Variants in MESP1 observed in about 807,000 individuals in gnomAD.
MESP1 encodes the protein mesoderm posterior protein 1.
MESP1 carries 22 observed loss-of-function variants against 15.2 expected under a neutral mutation model. The ratio of observed to expected loss-of-function variants is 1.45; its 90% CI spans 1.04 to 2.07. MESP1 has a LOEUF of 2.07. Among genes scored for constraint, MESP1 ranks in the 30% most tolerant of loss-of-function variants. The pLI is 0.00. For synonymous variants in MESP1, 216 were observed against 192.6 expected (o/e 1.12, Z -1.01); for missense variants, 484 against 411.9 (o/e 1.17, Z -1.51).
At chr15:89,748,534 C>T (rs982208342), downstream of MESP1, 1 of 152,220 alleles carries the variant, frequency 6.6e-6, no homozygotes, top group African/African-American at 2.4e-5. Context: ...ACGGATAAAC[C>T]AACTGTCATG....
Position 89,750,006 on chromosome 15 carries a change from G to A in MESP1, c.*138C>T. 3 of 819,310 alleles carry A rather than the reference G, an allele frequency of 3.7e-6. No individual in the cohort carries two copies. Among genetic ancestry groups the A allele is most frequent in the Non-Finnish European group, 6.2e-6 (3 of 485,266 alleles). The allele number at this position is 819,310 out of a possible 1,614,324, so 50.8% of individuals were successfully genotyped here. A position where few individuals can be genotyped will look rare whatever the true frequency, so the allele number is the denominator to read the frequency against. On this transcript the variant is annotated 3_prime_UTR_variant, in exon 2 of 2. Coordinates refer to ENST00000300057, the MANE Select transcript of MESP1 (RefSeq NM_018670.4). ...TGAGAAGGGCCGCCGCGGTGGGGAC[G>A]GCTCTCACCCGCAGGAATGCCCCCG... is the stretch of plus-strand genomic sequence containing the variant.
Position 89,750,590 on chromosome 15 carries a change from G to A in MESP1, c.642C>T (p.Pro214=), listed in dbSNP as rs1272120354. The A allele has an allele frequency of 1.4e-6, 2 of 1,409,894 alleles. No individual in the cohort carries two copies. The highest frequency in any genetic ancestry group is 2.9e-5 in the East Asian group (1 of 34,556). 87.3% of individuals were successfully genotyped at this position (1,409,894 alleles called of 1,614,324 possible). Residue 214 remains proline (P), a synonymous_variant, in exon 1 of 2, where the codon CCC becomes CCT. Transcript: ENST00000300057. ...ACAGCGCAGGCGGGTCGCGCGGCTC[G>A]GGTGCAGCTCGGGCTCCGGGGCAGG... ...PPACPGARAA[P]EPRDPPALFA... is the part of the protein sequence containing the mutation.
the MESP1 span, among the ~76,000 whole-genome samples, chr15:89,734,470 G>A: frequency 6.6e-6 from 1 of 152,194 alleles, no homozygotes; most frequent in Non-Finnish European, 1.5e-5. Flanking sequence ...AGCAGCAGGA[G>A]AGGGCAACCA....
downstream of MESP1, among the ~76,000 whole-genome samples, chr15:89,746,088 C>G (rs1369447547): frequency 1.3e-5 from 2 of 150,556 alleles, no homozygotes; most frequent in Non-Finnish European, 3.0e-5. Flanking sequence ...ATACACACCT[C>G]CACACAGCAT....
At chr15:89,741,141 A>AG in the MESP1 span, among the ~76,000 whole-genome samples, 2 of 151,760 alleles carry the variant, frequency 1.3e-5, no homozygotes, top group African/African-American at 4.9e-5. Context: ...ATCTGTCTCA[A>AG]AAAAAATAAA....
At chr15:89,737,714 T>C in the MESP1 span, 9 of 1,614,080 alleles carry the variant, frequency 5.6e-6, no homozygotes, top group Middle Eastern at 3.3e-4. Context: ...AGACCATCCA[T>C]GTTTCCTGCT....
chr15:89,737,353 A>G, the MESP1 span, among the ~76,000 whole-genome samples: 1 of 152,172 alleles, frequency 6.6e-6, no homozygotes, highest in African/African-American at 2.4e-5. Context: ...ATAGCCCTGG[A>G]GCAGACAGCA....
chr15:89,734,631 C>T, the MESP1 span, among the ~76,000 whole-genome samples: 2 of 152,136 alleles, frequency 1.3e-5, no homozygotes, highest in South Asian at 2.1e-4. Context: ...CAGCCAACTG[C>T]TTTTCAATCT....
the MESP1 span, chr15:89,743,478 C>A: frequency 7.8e-7 from 1 of 1,277,550 alleles, no homozygotes; most frequent in Non-Finnish European, 1.1e-6. Context: ...AGAAATGTAA[C>A]AGAGCCACAG....
At chr15:89,733,157 C>T in the MESP1 span, 161 of 1,614,038 alleles carry the variant, frequency 1.0e-4, no homozygotes, top group South Asian at 1.4e-3. Context: ...GCACAGACGC[C>T]TCCCTCCATC....
chr15:89,738,277 T>G, the MESP1 span: 1 of 1,533,744 alleles, frequency 6.5e-7, no homozygotes, highest in Non-Finnish European at 8.8e-7. Flanking sequence ...ACATCTGAGG[T>G]TGTCTCTGGA....
chr15:89,736,754 T>C, the MESP1 span, among the ~76,000 whole-genome samples: 7,360 of 148,084 alleles, frequency 0.05, 627 homozygotes, highest in African/African-American at 0.17. Flanking sequence ...GAGGGGAAAG[T>C]GGTGTGGCAG....
At chr15:89,737,661 T>C in the MESP1 span, 860 of 1,614,192 alleles carry the variant, frequency 5.3e-4, 4 homozygotes, top group African/African-American at 9.7e-3. Flanking sequence ...CCGGGAGCCT[T>C]TCCTCTGGAG....
At chr15:89,738,075 T>C in the MESP1 span, 9 of 1,613,630 alleles carry the variant, frequency 5.6e-6, no homozygotes, top group South Asian at 2.2e-5. Context: ...CCACCGACGA[T>C]GCTGGAATCC....
chr15:89,749,749 A>AT (rs878889325), downstream of MESP1: 18 of 186,640 alleles, frequency 9.6e-5, 1 homozygote, highest in South Asian at 8.0e-4. Context: ...GTAAGGCCAA[A>AT]GGGGTCTGGG....
chr15:89,740,228 T>C, the MESP1 span, among the ~76,000 whole-genome samples: 8 of 152,152 alleles, frequency 5.3e-5, no homozygotes, highest in African/African-American at 1.7e-4. Context: ...ATTCTAAACA[T>C]TACCACTAGG....
At chr15:89,740,523 C>CA in the MESP1 span, among the ~76,000 whole-genome samples, 1 of 151,772 alleles carries the variant, frequency 6.6e-6, no homozygotes, top group African/African-American at 2.4e-5. Flanking sequence ...GTTTTTGAAA[C>CA]AGAGTTTCAC....
At chr15:89,736,936 T>C in the MESP1 span, among the ~76,000 whole-genome samples, 18 of 152,038 alleles carry the variant, frequency 1.2e-4, no homozygotes, top group African/African-American at 3.6e-4. Context: ...GGACTACAGG[T>C]GCCCGCTAGC....
chr15:89,737,593 T>C, the MESP1 span: 2 of 1,614,192 alleles, frequency 1.2e-6, no homozygotes, highest in Non-Finnish European at 1.7e-6. Context: ...TTTCCAAGAA[T>C]GGCTCTGTGT....
Sources: allele counts gnomAD v4.1 joint callset (sites outside exome capture counted in the v4.1 genomes callset), GRCh38; gene constraint gnomAD v4.1.1; transcripts MANE v1.5; gene names NCBI Gene and HGNC (gene_info 2026-07-23, HGNC 2026-07-21).